Variants in LGMN observed in about 807,000 individuals in gnomAD.
LGMN encodes the protein asparaginyl endopeptidase.
In LGMN, 36 loss-of-function variants were observed where a neutral mutation model predicts 56.8. The ratio of observed to expected loss-of-function variants is 0.63; its 90% CI spans 0.49 to 0.84. The LOEUF is 0.84. LGMN is among the 40% of genes least tolerant of loss of function. The pLI is 0.00. For missense variants in LGMN, 446 were observed against 556.1 expected (o/e 0.80, Z 1.99); for synonymous variants, 199 against 210.1 (o/e 0.95, Z 0.46).
At chr14:92,725,545 G>A (rs1728203593) in intron 2 of LGMN, among the ~76,000 whole-genome samples, 1 of 151,990 alleles carries the variant, frequency 6.6e-6, no homozygotes, top group African/African-American at 2.4e-5. Context: ...CCCTGTTGCT[G>A]AAAATAAAAA....
Position 92,736,993 on chromosome 14 carries a change from G to T in LGMN, c.-29-4178C>A, listed in dbSNP as rs931719699. ...GAGGTGTGACAGTCACTACCAAGGTGTTCCAACCAACGGCTCTCACCTACT... is the reference window on the plus strand; with the variant it reads ...GAGGTGTGACAGTCACTACCAAGGTTTTCCAACCAACGGCTCTCACCTACT... On this transcript the variant is annotated intron_variant, in intron 1 of 13. Coordinates refer to ENST00000334869, the MANE Select transcript of LGMN (RefSeq NM_005606.7). Among the ~76,000 whole-genome samples the T allele has an allele frequency of 3.9e-5, 6 of 152,148 alleles. No homozygotes were observed. The East Asian group carries it at 5.8e-4, about 15-fold the overall frequency.
intron 2 of LGMN, among the ~76,000 whole-genome samples, chr14:92,724,489 T>A (rs146932023): frequency 3.6e-4 from 55 of 152,318 alleles, no homozygotes; most frequent in Admixed American, 3.2e-3. Flanking sequence ...GAGATACAAG[T>A]GGGGTTCAAC....
At chr14:92,746,738 C>T (rs1369646735) in intron 1 of LGMN, among the ~76,000 whole-genome samples, 5 of 152,204 alleles carry the variant, frequency 3.3e-5, no homozygotes, top group Middle Eastern at 3.4e-3. Flanking sequence ...TTCTCACACT[C>T]ATAAAATCCC....
intron 1 of LGMN, among the ~76,000 whole-genome samples, chr14:92,743,797 G>C (rs1277933302): frequency 2.2e-5 from 3 of 134,008 alleles, no homozygotes; most frequent in Non-Finnish European, 4.6e-5. Flanking sequence ...GGGAGACTCT[G>C]TCTCAAAAAA....
chr14:92,712,632 C>G, intron 8 of LGMN, 173 bp downstream of exon 8: 1 of 619,252 alleles, frequency 1.6e-6, no homozygotes, highest in South Asian at 1.9e-5. Flanking sequence ...TCCCTGACTA[C>G]CAGTGCTTCA....
At chr14:92,718,536 T>C (rs1035929393) in intron 3 of LGMN, among the ~76,000 whole-genome samples, 4 of 151,670 alleles carry the variant, frequency 2.6e-5, no homozygotes, top group African/African-American at 9.7e-5. Flanking sequence ...ATCGCACCAC[T>C]GCACTCCAGC....
chr14:92,727,010 T>C (rs1426945200), intron 2 of LGMN, among the ~76,000 whole-genome samples: 2 of 152,178 alleles, frequency 1.3e-5, no homozygotes, highest in East Asian at 1.9e-4. Flanking sequence ...ACAAGACACA[T>C]AGATGCCCTC....
chr14:92,730,406 T>G (rs532138563), intron 2 of LGMN, among the ~76,000 whole-genome samples: 3 of 152,316 alleles, frequency 2.0e-5, no homozygotes, highest in African/African-American at 7.2e-5. Context: ...TCAAAGAATG[T>G]ATGATATCTC....
intron 2 of LGMN, among the ~76,000 whole-genome samples, chr14:92,725,329 A>C (rs1057358083): frequency 3.3e-5 from 5 of 152,146 alleles, no homozygotes; most frequent in Non-Finnish European, 7.3e-5. Flanking sequence ...AAAGAGGATC[A>C]CTTGAGCCCA....
At chr14:92,735,301 G>C (rs1322198018) in intron 1 of LGMN, among the ~76,000 whole-genome samples, 3 of 152,082 alleles carry the variant, frequency 2.0e-5, no homozygotes, top group Non-Finnish European at 4.4e-5. Flanking sequence ...CCGCCTCCCA[G>C]GTTCAAGCGA....
At position 92,711,710 on chromosome 14, in the gene LGMN, G is replaced by T; in HGVS notation, c.768C>A (p.His256Gln). The change falls in exon 10 of 14, where the codon CAC becomes CAA. Residue 256 changes from histidine (H) to glutamine (Q), a missense_variant. Coordinates refer to ENST00000334869, the MANE Select transcript of LGMN (RefSeq NM_005606.7). ...TGGTGTTGGTGTGCGATTTTACCAGGTGGTACTGCTTGTGCAGGGTCTCTT... is the reference window on the plus strand; with the variant it reads ...TGGTGTTGGTGTGCGATTTTACCAGTTGGTACTGCTTGTGCAGGGTCTCTT... ...LTKETLHKQY[H>Q]LVKSHTNTSH... 1 of 1,614,222 alleles carries T rather than the reference G, an allele frequency of 6.2e-7. No individual in the cohort carries two copies. The highest frequency in any genetic ancestry group is 8.5e-7 in the Non-Finnish European group (1 of 1,180,038).
intron 2 of LGMN, among the ~76,000 whole-genome samples, chr14:92,719,315 C>CCAT (rs1566924611): frequency 1.8e-4 from 8 of 44,488 alleles, no homozygotes; most frequent in African/African-American, 6.1e-4. Context: ...GCCGCCACCG[C>CCAT]CGCCGCCGCC....
intron 2 of LGMN, 22 bp downstream of exon 2, chr14:92,732,627 A>T (rs12885208): frequency 0.18 from 282,137 of 1,610,686 alleles, 26,466 homozygotes; most frequent in Non-Finnish European, 0.19. Flanking sequence ...CTTAACAAAA[A>T]AAAGATTAGT....
intron 2 of LGMN, among the ~76,000 whole-genome samples, chr14:92,719,249 C>CCAA (rs1890278211): frequency 1.0e-4 from 2 of 19,530 alleles, no homozygotes; most frequent in African/African-American, 1.9e-4. Flanking sequence ...ACCACCGCCA[C>CCAA]CACCACCACC....
At chr14:92,711,052 T>TTACG (rs1186180942) in intron 10 of LGMN, among the ~76,000 whole-genome samples, 1 of 152,360 alleles carries the variant, frequency 6.6e-6, no homozygotes, top group South Asian at 2.1e-4. Flanking sequence ...TGCACATTTG[T>TTACG]TACGGTGTTT....
At chr14:92,704,927 C>T (rs55672302) in intron 12 of LGMN, 43 of 500,002 alleles carry the variant, frequency 8.6e-5, no homozygotes, top group East Asian at 2.3e-4. Context: ...GGGGGGCTGG[C>T]GGGGTTCTGC....
intron 12 of LGMN, among the ~76,000 whole-genome samples, chr14:92,705,079 G>C (rs1889360175): frequency 6.6e-6 from 1 of 152,232 alleles, no homozygotes; most frequent in Non-Finnish European, 1.5e-5. Flanking sequence ...GCGTGTGAAA[G>C]CCACGCTGGA....
chr14:92,719,946 A>G (rs967974348), intron 2 of LGMN, among the ~76,000 whole-genome samples: 2 of 152,238 alleles, frequency 1.3e-5, no homozygotes, highest in South Asian at 4.1e-4. Context: ...TCCCCAAGGA[A>G]GACAGCCTGA....
intron 2 of LGMN, among the ~76,000 whole-genome samples, chr14:92,729,051 C>T (rs780012900): frequency 6.6e-6 from 1 of 151,912 alleles, no homozygotes; most frequent in Admixed American, 6.6e-5. Flanking sequence ...CTGACTCACA[C>T]GTGCTCAGCA....
Sources: gnomAD v4.1 joint callset for allele counts (sites outside exome capture counted in the v4.1 genomes callset) on GRCh38, gnomAD v4.1.1 for gene constraint, MANE v1.5 for transcripts, NCBI Gene and HGNC (gene_info 2026-07-23, HGNC 2026-07-21) for gene names.